SATL1: variants seen among roughly 807,000 people sequenced by gnomAD.
SATL1 encodes spermidine/spermine N(1)-acetyltransferase-like protein 1.
SATL1 carries 47 observed loss-of-function variants against 51.8 expected under a neutral mutation model. That is an observed-to-expected ratio of 0.91 (90% CI 0.72 to 1.16). The LOEUF is 1.16. SATL1 is among the 50% of genes most tolerant of loss of function. SATL1 has a pLI of 0.00. For missense variants in SATL1, 520 were observed against 526.4 expected, an observed-to-expected ratio of 0.99 and a Z score of 0.12; for synonymous variants, 176 against 182.4, an observed-to-expected ratio of 0.97 and a Z score of 0.28.
intron 2 of SATL1, among the ~76,000 whole-genome samples, chrX:85,166,305 C>T (rs1926833227): frequency 8.9e-6 from 1 of 111,778 alleles, no homozygotes; most frequent in Admixed American, 9.5e-5. Context: ...TAAAAAGGGT[C>T]TGCACAGCAA....
At chrX:85,137,328 A>G (rs1176545169) in intron 2 of SATL1, among the ~76,000 whole-genome samples, 1 of 111,733 alleles carries the variant, frequency 8.9e-6, no homozygotes, top group Non-Finnish European at 1.9e-5. Context: ...AATAATTGAA[A>G]GAGATGACTA....
Position 85,094,907 on chromosome X carries a change from TTACTC to T in SATL1, c.1774+4_1774+8del. 3 of 1,122,192 alleles carry T rather than the reference TTACTC, an allele frequency of 2.7e-6. No individual in the cohort carries two copies. Among genetic ancestry groups the T allele is most frequent in the Non-Finnish European group, 3.7e-6 (3 of 817,587 alleles). 92.5% of individuals were successfully genotyped at this position (1,122,192 alleles called of 1,213,427 possible). A position where few individuals can be genotyped will look rare whatever the true frequency, so the allele number is the denominator to read the frequency against. On this transcript the variant is annotated splice_donor_5th_base_variant and intron_variant, in intron 5 of 7. Transcript: ENST00000644105. ...CCAGATTGAACTGGAGAAGAAAGGT[TTACTC>T]TACCTGATGGTTTTTGTTGATCGTT...
At chrX:85,171,726 A>C (rs1926976691) in intron 2 of SATL1, among the ~76,000 whole-genome samples, 1 of 111,649 alleles carries the variant, frequency 9.0e-6, no homozygotes, top group South Asian at 3.7e-4. Flanking sequence ...ATCATTCACT[A>C]TATGAGGCTA....
At chrX:85,140,938 G>C (rs1926093968) in intron 2 of SATL1, among the ~76,000 whole-genome samples, 1 of 111,684 alleles carries the variant, frequency 9.0e-6, no homozygotes. Flanking sequence ...ATAACAAGAA[G>C]TCTTAAGTTA....
intron 2 of SATL1, among the ~76,000 whole-genome samples, chrX:85,181,842 T>C (rs983268273): frequency 1.8e-5 from 2 of 111,779 alleles, no homozygotes; most frequent in Non-Finnish European, 3.8e-5. Context: ...TAGATTATTA[T>C]AGGGAAAGAT....
intron 2 of SATL1, chrX:85,208,805 T>A (rs961777140): frequency 8.9e-6 from 1 of 112,060 alleles, no homozygotes; most frequent in East Asian, 2.8e-4. Flanking sequence ...TAGCCCTTTG[T>A]CACATGTGTA....
At chrX:85,188,238 C>A (rs951439484) in intron 2 of SATL1, among the ~76,000 whole-genome samples, 1 of 111,360 alleles carries the variant, frequency 9.0e-6, no homozygotes, top group Admixed American at 9.6e-5. Context: ...TTTCTTTCTA[C>A]TTTCCATGAA....
At chrX:85,144,492 C>T (rs1926184304) in intron 2 of SATL1, among the ~76,000 whole-genome samples, 2 of 111,771 alleles carry the variant, frequency 1.8e-5, no homozygotes, top group African/African-American at 3.3e-5. Flanking sequence ...TGAACTCTGA[C>T]TCCATGGAAT....
At chrX:85,190,995 G>A (rs1313788823) in intron 2 of SATL1, among the ~76,000 whole-genome samples, 1 of 104,046 alleles carries the variant, frequency 9.6e-6, no homozygotes, top group Non-Finnish European at 2.0e-5. Flanking sequence ...GGGAGGGATA[G>A]CATTAGGAGA....
At chrX:85,212,511 A>C (rs999039476) in intron 2 of SATL1, among the ~76,000 whole-genome samples, 1 of 111,935 alleles carries the variant, frequency 8.9e-6, no homozygotes, top group Non-Finnish European at 1.9e-5. Context: ...TGAGAATGCC[A>C]TTATTTTGTT....
intron 2 of SATL1, among the ~76,000 whole-genome samples, chrX:85,132,737 GT>G (rs1405182440): frequency 8.9e-6 from 1 of 111,773 alleles, no homozygotes; most frequent in African/African-American, 3.3e-5. Flanking sequence ...GGGCACTCTC[GT>G]TTTTAGAGTT....
chrX:85,201,276 T>C (rs1569246240), intron 2 of SATL1, among the ~76,000 whole-genome samples: 1 of 111,099 alleles, frequency 9.0e-6, no homozygotes, highest in Non-Finnish European at 1.9e-5. Flanking sequence ...CTTCTGGCAA[T>C]AGAGAATTTA....
At chrX:85,111,233 C>A (rs930633992) in intron 2 of SATL1, among the ~76,000 whole-genome samples, 18 of 112,615 alleles carry the variant, frequency 1.6e-4, no homozygotes, top group Non-Finnish European at 3.4e-4. Flanking sequence ...GTTTCATAAT[C>A]TAGAATTGGT....
intron 2 of SATL1, among the ~76,000 whole-genome samples, chrX:85,190,908 A>T (rs1231029760): frequency 9.7e-6 from 1 of 103,173 alleles, no homozygotes; most frequent in Non-Finnish European, 2.0e-5. Context: ...ATAGGTGGGA[A>T]TTGAACAATG....
chrX:85,133,641 C>T (rs750857458), intron 2 of SATL1, among the ~76,000 whole-genome samples: 2 of 111,818 alleles, frequency 1.8e-5, no homozygotes, highest in South Asian at 7.6e-4. Context: ...CTTCATCTTG[C>T]CTTCTGTGGG....
intron 2 of SATL1, among the ~76,000 whole-genome samples, chrX:85,168,257 T>C (rs986561651): frequency 9.0e-6 from 1 of 111,228 alleles, no homozygotes; most frequent in Non-Finnish European, 1.9e-5. Context: ...CTATTCAACG[T>C]AGTATCAGAA....
At chrX:85,155,058 C>G (rs1345487118) in intron 2 of SATL1, among the ~76,000 whole-genome samples, 2 of 111,474 alleles carry the variant, frequency 1.8e-5, no homozygotes, top group Non-Finnish European at 3.8e-5. Context: ...GATAAACTCT[C>G]CAACCTTTTT....
intron 2 of SATL1, among the ~76,000 whole-genome samples, chrX:85,205,454 A>G (rs1299921507): frequency 8.9e-6 from 1 of 112,196 alleles, no homozygotes; most frequent in African/African-American, 3.2e-5. Flanking sequence ...ATAAAACAGG[A>G]TGATGTAATA....
At position 85,147,463 on chromosome X, in the gene SATL1, G is replaced by A. The variant is rs780824474; in HGVS notation, c.-312-38183C>T. Among the ~76,000 whole-genome samples, 610 of 114,180 alleles carry A rather than the reference G, an allele frequency of 5.3e-3. 5 individuals carry two copies. The highest frequency in any genetic ancestry group is 0.019 in the African/African-American group (594 of 31,371). On this transcript the variant is annotated intron_variant, in intron 2 of 7. Transcript: ENST00000644105. ...TGTCCCTGTCTGACAGCTTTGAAGA[G>A]AGCAGTGGTTCTCCCAGCATGCAGC...
Sources: gnomAD v4.1 joint callset for allele counts (sites outside exome capture counted in the v4.1 genomes callset) on GRCh38, gnomAD v4.1.1 for gene constraint, MANE v1.5 for transcripts, NCBI Gene and HGNC (gene_info 2026-07-23, HGNC 2026-07-21) for gene names.